Variants in FBXL7 observed in about 807,000 individuals in gnomAD.
The protein encoded by FBXL7 is F-box and leucine rich repeat protein 7.
A neutral mutation model predicts 38.3 loss-of-function variants in FBXL7; 12 were observed. The ratio of observed to expected loss-of-function variants is 0.31; its 90% CI spans 0.20 to 0.51. FBXL7 has a LOEUF of 0.51. Ranked by LOEUF, FBXL7 falls within the 20% of genes least tolerant of loss-of-function variation. FBXL7 has a pLI of 0.98. For synonymous variants in FBXL7, 297 were observed against 300.9 expected (o/e 0.99, Z 0.13); for missense variants, 567 against 676.4 (o/e 0.84, Z 1.79).
intron 2 of FBXL7, among the ~76,000 whole-genome samples, chr5:15,790,102 AT>A (rs2126730025): frequency 1.3e-5 from 2 of 152,308 alleles, no homozygotes. Flanking sequence ...GAAGCTAGGT[AT>A]TTTTAAGTAT....
intron 2 of FBXL7, among the ~76,000 whole-genome samples, chr5:15,867,199 C>T (rs1455299588): frequency 6.6e-6 from 1 of 152,172 alleles, no homozygotes; most frequent in African/African-American, 2.4e-5. Context: ...CACAGTCTTC[C>T]CTTCCCTAAA....
chr5:15,636,103 T>C (rs79126907), intron 2 of FBXL7, among the ~76,000 whole-genome samples: 1 of 106,474 alleles, frequency 9.4e-6, no homozygotes, highest in Non-Finnish European at 1.9e-5. Context: ...GTATATCTGT[T>C]TTTTTTTTTT....
At chr5:15,848,608 C>T (rs1738994564) in intron 2 of FBXL7, among the ~76,000 whole-genome samples, 2 of 152,158 alleles carry the variant, frequency 1.3e-5, no homozygotes, top group African/African-American at 4.8e-5. Flanking sequence ...TCTTGAAATC[C>T]TGACCTCGTG....
At chr5:15,872,810 A>G (rs193088487) in intron 2 of FBXL7, among the ~76,000 whole-genome samples, 2 of 152,334 alleles carry the variant, frequency 1.3e-5, no homozygotes, top group East Asian at 3.9e-4. Flanking sequence ...ATAGAGATGT[A>G]GATTCCCACA....
At chr5:15,906,151 C>T (rs1741354516) in intron 2 of FBXL7, among the ~76,000 whole-genome samples, 1 of 151,914 alleles carries the variant, frequency 6.6e-6, no homozygotes, top group South Asian at 2.1e-4. Context: ...ACTTCCTTCC[C>T]TCCTGGTTCC....
rs36054889 is a variant in FBXL7 at position 15,805,485 on chromosome 5, AT to A, written c.128-122397del. On this transcript the variant is annotated intron_variant, in intron 2 of 3. Coordinates refer to ENST00000504595, the MANE Select transcript of FBXL7 (RefSeq NM_012304.5). ...AACTTTCTAATTTTGTGGAGTTTTA[AT>A]TTTTTTTATAGATTTAACCTAAGAT... 9.2e-5 allele frequency among the ~76,000 whole-genome samples: 14 copies of A among 151,608 alleles called. No individual in the cohort carries two copies. In the East Asian group the frequency reaches 1.5e-3, roughly 17 times the overall value.
intron 2 of FBXL7, among the ~76,000 whole-genome samples, chr5:15,664,139 TGGGGTTTC>T (rs1742190518): frequency 6.6e-6 from 1 of 152,194 alleles, no homozygotes; most frequent in African/African-American, 2.4e-5. Context: ...TTTTTTATAT[TGGGGTTTC>T]TCTAAGATGT....
chr5:15,630,304 C>T (rs2126539819), intron 2 of FBXL7, among the ~76,000 whole-genome samples: 1 of 152,222 alleles, frequency 6.6e-6, no homozygotes, highest in East Asian at 1.9e-4. Flanking sequence ...TTACTAAATC[C>T]TTTCTCAGTA....
At chr5:15,840,089 A>G (rs1738702512) in intron 2 of FBXL7, among the ~76,000 whole-genome samples, 1 of 152,144 alleles carries the variant, frequency 6.6e-6, no homozygotes, top group Non-Finnish European at 1.5e-5. Flanking sequence ...TTAGGCTGAA[A>G]TGACCTAAGC....
rs897939212 is a variant in FBXL7 at position 15,500,801 on chromosome 5, C to T, written c.37+88C>T. On this transcript the variant is annotated intron_variant, in intron 1 of 3. Coordinates refer to ENST00000504595, the MANE Select transcript of FBXL7 (RefSeq NM_012304.5). The stretch of plus-strand genomic sequence containing the variant: ...CCCGACTGGGAAGGGAGGTTCTCGC[C>T]CGCGGCCGTGACGCACCCCATTTGG... 10 of 1,521,366 alleles carry T rather than the reference C, an allele frequency of 6.6e-6. No individual in the cohort carries two copies. In the Admixed American group the frequency reaches 1.5e-4, roughly 23 times the overall value. 94.2% of individuals were successfully genotyped at this position (1,521,366 alleles called of 1,614,324 possible).
chr5:15,901,523 C>A (rs971094755), intron 2 of FBXL7, among the ~76,000 whole-genome samples: 3 of 152,102 alleles, frequency 2.0e-5, no homozygotes, highest in African/African-American at 7.2e-5. Flanking sequence ...GCTGGGAGGA[C>A]CAAAAGTTCC....
chr5:15,584,671 A>G (rs1172073999), intron 1 of FBXL7, among the ~76,000 whole-genome samples: 4 of 152,192 alleles, frequency 2.6e-5, no homozygotes, highest in African/African-American at 9.6e-5. Context: ...CCCTCTGCCC[A>G]TTACCCAATT....
intron 2 of FBXL7, among the ~76,000 whole-genome samples, chr5:15,862,276 C>G (rs185361097): frequency 6.6e-6 from 1 of 152,272 alleles, no homozygotes; most frequent in Admixed American, 6.5e-5. Context: ...TCACTTGGCT[C>G]TCATTCTTCT....
chr5:15,875,716 C>G (rs142759109), intron 2 of FBXL7, among the ~76,000 whole-genome samples: 2,170 of 152,222 alleles, frequency 0.014, 50 homozygotes, highest in African/African-American at 0.048. Context: ...CATCTCACAC[C>G]AGTTAAAATG....
intron 2 of FBXL7, among the ~76,000 whole-genome samples, chr5:15,844,559 T>C (rs186903296): frequency 6.3e-4 from 96 of 152,252 alleles, no homozygotes; most frequent in Non-Finnish European, 1.1e-3. Context: ...TAGCTGAGTA[T>C]AGAGTATGCA....
intron 2 of FBXL7, among the ~76,000 whole-genome samples, chr5:15,625,284 G>T (rs1740774114): frequency 1.3e-5 from 2 of 152,082 alleles, no homozygotes; most frequent in African/African-American, 2.4e-5. Context: ...ATTTAAGTTA[G>T]TCATTATATA....
chr5:15,532,964 G>C (rs565203331), intron 1 of FBXL7, among the ~76,000 whole-genome samples: 20 of 152,350 alleles, frequency 1.3e-4, no homozygotes, highest in African/African-American at 4.3e-4. Flanking sequence ...GTTGAATGGT[G>C]AGTGGAGTTG....
intron 1 of FBXL7, among the ~76,000 whole-genome samples, chr5:15,607,762 C>T (rs183619106): frequency 6.6e-6 from 1 of 152,344 alleles, no homozygotes; most frequent in Admixed American, 6.5e-5. Context: ...ATTTCAGCGG[C>T]TCAGAATTGT....
intron 2 of FBXL7, among the ~76,000 whole-genome samples, chr5:15,670,784 G>C (rs1292088567): frequency 6.6e-6 from 1 of 151,610 alleles, no homozygotes; most frequent in African/African-American, 2.4e-5. Context: ...CTGGGTGACA[G>C]AGTGAGACTC....
Sources: gnomAD v4.1 joint callset for allele counts (sites outside exome capture counted in the v4.1 genomes callset) on GRCh38, gnomAD v4.1.1 for gene constraint, MANE v1.5 for transcripts, NCBI Gene and HGNC (gene_info 2026-07-23, HGNC 2026-07-21) for gene names.